Variants in ARHGEF10 observed in about 807,000 individuals in gnomAD.
ARHGEF10 encodes the protein Rho guanine nucleotide exchange factor 10, also known as Rho guanine nucleotide exchange factor (GEF) 10.
In ARHGEF10, 140 loss-of-function variants were observed where a neutral mutation model predicts 147.4. The ratio of observed to expected loss-of-function variants is 0.95; its 90% CI spans 0.83 to 1.09. The LOEUF is 1.09. Among genes scored for constraint, ARHGEF10 ranks in the 50% least tolerant of loss-of-function variants. ARHGEF10 has a pLI of 0.00. For missense variants in ARHGEF10, 2,222 were observed against 1,752.7 expected, an observed-to-expected ratio of 1.27 and a Z score of -4.78; for synonymous variants, 902 against 695.8, an observed-to-expected ratio of 1.30 and a Z score of -4.67.
intron 15 of ARHGEF10, among the ~76,000 whole-genome samples, chr8:1,902,538 G>T (rs536512985): frequency 1.4e-4 from 21 of 152,030 alleles, no homozygotes; most frequent in Admixed American, 1.2e-3. Context: ...AAATTTTAGG[G>T]TCGCAGCAAA....
chr8:1,857,815 T>A (rs1304569563), intron 2 of ARHGEF10, 145 bp from the exon 3 acceptor site: 13 of 722,754 alleles, frequency 1.8e-5, no homozygotes, highest in Non-Finnish European at 2.5e-5. Flanking sequence ...TTAAAAAGGT[T>A]AACTACAAGC....
rs1379094938 is a variant in ARHGEF10, at chr8:1,937,025, T to C, written c.3222+3083T>C. On this transcript the variant is annotated intron_variant, in intron 26 of 28. Transcript: ENST00000349830. This position sits in a 1 kb window ranked among gnomAD's most constrained non-coding sequence, Gnocchi z 4.9. Reference sequence around the variant, plus strand: ...CCTCCTGGAGGCCGACGCTCTGCCGTGGATCATGAATAGCATTCCCGCGTG... The same window carrying C: ...CCTCCTGGAGGCCGACGCTCTGCCGCGGATCATGAATAGCATTCCCGCGTG... 6.6e-6 allele frequency among the ~76,000 whole-genome samples: 1 copy of C among 152,224 alleles called. No individual in the cohort carries two copies. The highest frequency in any genetic ancestry group is 1.5e-5 in the Non-Finnish European group (1 of 68,032).
At chr8:1,928,978 T>C (rs183824703) in intron 24 of ARHGEF10, among the ~76,000 whole-genome samples, 23 of 152,366 alleles carry the variant, frequency 1.5e-4, no homozygotes, top group Non-Finnish European at 3.1e-4. Context: ...AACAGCCATA[T>C]TCTATGTCAT....
At chr8:1,905,118 G>T (rs952675465) in intron 16 of ARHGEF10, among the ~76,000 whole-genome samples, 2 of 152,134 alleles carry the variant, frequency 1.3e-5, no homozygotes, top group Non-Finnish European at 2.9e-5. Context: ...AACAGAGCGA[G>T]GCTTGGTCTC....
chr8:1,881,976 C>G (rs1028355548), intron 9 of ARHGEF10, among the ~76,000 whole-genome samples: 7 of 152,200 alleles, frequency 4.6e-5, no homozygotes, highest in Non-Finnish European at 1.0e-4. Flanking sequence ...TCAGACGCCC[C>G]TGAGTCTAGG....
At chr8:1,839,934 C>CCA (rs1803878278) in intron 1 of ARHGEF10, among the ~76,000 whole-genome samples, 1 of 148,712 alleles carries the variant, frequency 6.7e-6, no homozygotes, top group Admixed American at 6.7e-5. Flanking sequence ...TGGGGACTGT[C>CCA]TGGTGTGGGG....
chr8:1,882,822 T>C, intron 10 of ARHGEF10, 73 bp downstream of exon 10: 1 of 275,568 alleles, frequency 3.6e-6, no homozygotes, highest in Non-Finnish European at 7.5e-6. Context: ...TGGGGAGGAC[T>C]CGGGGTGGGG....
At chr8:1,873,602 G>C (rs58524069) in intron 7 of ARHGEF10, among the ~76,000 whole-genome samples, 10 of 102,282 alleles carry the variant, frequency 9.8e-5, no homozygotes, top group Admixed American at 3.8e-4. Flanking sequence ...TAGTTGCCTT[G>C]AGAGGTGCCC....
chr8:1,889,837 G>A (rs1379328926), intron 11 of ARHGEF10, among the ~76,000 whole-genome samples: 1 of 141,132 alleles, frequency 7.1e-6, no homozygotes, highest in Non-Finnish European at 1.5e-5. Context: ...AAGACACTAG[G>A]TGGGGTGAGG....
At chr8:1,870,607 T>A (rs1807029660) in intron 7 of ARHGEF10, 1 of 152,180 alleles carries the variant, frequency 6.6e-6, no homozygotes. Context: ...ATTGTCAGTA[T>A]AACTATAATA....
At chr8:1,940,020 C>T (rs1049282202) in intron 26 of ARHGEF10, among the ~76,000 whole-genome samples, 4 of 152,100 alleles carry the variant, frequency 2.6e-5, no homozygotes, top group African/African-American at 9.7e-5. Context: ...AGCAACGTAA[C>T]GGGGTGCGAG....
At chr8:1,830,648 C>G (rs1018458354) in intron 1 of ARHGEF10, among the ~76,000 whole-genome samples, 5 of 152,202 alleles carry the variant, frequency 3.3e-5, no homozygotes, top group Non-Finnish European at 5.9e-5. Context: ...GGGTGTGAAC[C>G]GCAGAGACCA....
intron 7 of ARHGEF10, among the ~76,000 whole-genome samples, chr8:1,874,255 C>T (rs1202535427): frequency 1.3e-5 from 2 of 152,132 alleles, no homozygotes; most frequent in Non-Finnish European, 2.9e-5. Context: ...GAAAACCACC[C>T]GTTTTTCACA....
At chr8:1,836,553 TGTGTGGCCTGGAG>T (rs1422963159) in intron 1 of ARHGEF10, among the ~76,000 whole-genome samples, 1 of 152,106 alleles carries the variant, frequency 6.6e-6, no homozygotes, top group Admixed American at 6.6e-5. Context: ...TGGGATGTTT[TGTGTGGCCTGGAG>T]GTTCTAGGGA....
chr8:1,930,481 GT>G lies in ARHGEF10; in HGVS notation c.3079+1043del, dbSNP rs3837163. 2.0e-4 allele frequency among the ~76,000 whole-genome samples: 31 copies of G among 152,228 alleles called. No individual in the cohort carries two copies. In the East Asian group the frequency reaches 5.8e-3, roughly 29 times the overall value. ...TTGAGCTTTTTAAACTGTAAATAAG[GT>G]TTTTACCCTCCCCGCCCCCCCGCTG... On this transcript the variant is annotated intron_variant, in intron 25 of 28. Coordinates refer to ENST00000349830, the MANE Select transcript of ARHGEF10 (RefSeq NM_014629.4).
At chr8:1,920,303 C>A (rs1812183769) in intron 18 of ARHGEF10, among the ~76,000 whole-genome samples, 1 of 152,128 alleles carries the variant, frequency 6.6e-6, no homozygotes, top group South Asian at 2.1e-4. Flanking sequence ...GTTAACATTG[C>A]ACTTATAATT....
intron 24 of ARHGEF10, 24 bp from the exon 25 acceptor site, chr8:1,929,262 T>C: frequency 3.1e-6 from 5 of 1,612,238 alleles, no homozygotes; most frequent in Non-Finnish European, 3.4e-6. Flanking sequence ...AATATATTTA[T>C]TAGCTTGTAT....
intron 1 of ARHGEF10, among the ~76,000 whole-genome samples, chr8:1,833,909 T>C (rs1188962210): frequency 1.3e-5 from 2 of 152,178 alleles, no homozygotes; most frequent in African/African-American, 2.4e-5. Context: ...CACAGCATTG[T>C]TGGGGAGCCG....
At chr8:1,868,542 C>T (rs1436351199) in intron 6 of ARHGEF10, among the ~76,000 whole-genome samples, 1 of 152,222 alleles carries the variant, frequency 6.6e-6, no homozygotes, top group African/African-American at 2.4e-5. Flanking sequence ...GTTTTGCTTA[C>T]AGAACTTGCC....
Sources: allele counts gnomAD v4.1 joint callset (sites outside exome capture counted in the v4.1 genomes callset), GRCh38; gene constraint gnomAD v4.1.1; non-coding constraint Gnocchi (gnomAD v3.1); transcripts MANE v1.5; gene names NCBI Gene and HGNC (gene_info 2026-07-23, HGNC 2026-07-21).